FTCDNL1: variants seen among roughly 807,000 people sequenced by gnomAD.
FTCDNL1 encodes formiminotransferase N-terminal subdomain-containing protein.
A neutral mutation model predicts 5.9 loss-of-function variants in FTCDNL1; 11 were observed. That is an observed-to-expected ratio of 1.87 (90% CI 1.18 to 3.10). The LOEUF (loss-of-function observed/expected upper bound fraction) is 3.10. Among genes scored for constraint, FTCDNL1 ranks in the 30% most tolerant of loss-of-function variants. The pLI is 0.00. For missense variants in FTCDNL1, 115 were observed against 65.5 expected, an observed-to-expected ratio of 1.76 and a Z score of -2.61; for synonymous variants, 58 against 24.8, an observed-to-expected ratio of 2.34 and a Z score of -3.99.
At chr2:199,797,053 G>A (rs1316960946) in intron 3 of FTCDNL1, among the ~76,000 whole-genome samples, 1 of 152,094 alleles carries the variant, frequency 6.6e-6, no homozygotes, top group African/African-American at 2.4e-5. Flanking sequence ...TCAAATAGTA[G>A]AAACACCACC....
chr2:199,668,910 A>G, the FTCDNL1 span, among the ~76,000 whole-genome samples: 4 of 152,182 alleles, frequency 2.6e-5, no homozygotes, highest in African/African-American at 4.8e-5. Context: ...AATCCCAGAT[A>G]CAGTGTAGGA....
At chr2:199,845,815 A>G (rs935447581) in intron 3 of FTCDNL1, among the ~76,000 whole-genome samples, 4 of 151,026 alleles carry the variant, frequency 2.6e-5, no homozygotes, top group Non-Finnish European at 4.4e-5. Flanking sequence ...ACCCCAAAGG[A>G]TATGTGATCA....
At chr2:199,728,848 T>C in the FTCDNL1 span, among the ~76,000 whole-genome samples, 19 of 152,286 alleles carry the variant, frequency 1.2e-4, no homozygotes, top group African/African-American at 4.6e-4. Flanking sequence ...TGACAATAAA[T>C]GAACATCAGG....
At chr2:199,832,524 AAGG>A (rs1398492294) in intron 3 of FTCDNL1, among the ~76,000 whole-genome samples, 1 of 152,204 alleles carries the variant, frequency 6.6e-6, no homozygotes, top group African/African-American at 2.4e-5. Context: ...AGAACTGATG[AAGG>A]AGAAGCTGTC....
chr2:199,765,544 A>ATTT, intron 3 of FTCDNL1, among the ~76,000 whole-genome samples: 1 of 59,678 alleles, frequency 1.7e-5, no homozygotes, highest in Non-Finnish European at 3.8e-5. Flanking sequence ...ATATATATAT[A>ATTT]TATATATATA....
the FTCDNL1 span, among the ~76,000 whole-genome samples, chr2:199,743,925 T>C: frequency 6.6e-6 from 1 of 152,124 alleles, no homozygotes; most frequent in Non-Finnish European, 1.5e-5. Context: ...TAAAAATAAA[T>C]GAATAAGGAA....
At chr2:199,673,975 C>T in the FTCDNL1 span, among the ~76,000 whole-genome samples, 1 of 152,048 alleles carries the variant, frequency 6.6e-6, no homozygotes, top group African/African-American at 2.4e-5. Flanking sequence ...ATTTCTCAGC[C>T]CAGCCCAAGT....
the FTCDNL1 span, among the ~76,000 whole-genome samples, chr2:199,706,284 G>C: frequency 1.3e-5 from 2 of 152,160 alleles, no homozygotes; most frequent in African/African-American, 2.4e-5. Context: ...GGAACCCAGA[G>C]ATGCAGGGAT....
the FTCDNL1 span, among the ~76,000 whole-genome samples, chr2:199,704,435 A>G: frequency 6.6e-6 from 1 of 151,902 alleles, no homozygotes; most frequent in Non-Finnish European, 1.5e-5. Context: ...GACTGGGGGG[A>G]AGAGGGAAGA....
chr2:199,839,913 A>G (rs972196873), intron 3 of FTCDNL1, among the ~76,000 whole-genome samples: 11 of 152,152 alleles, frequency 7.2e-5, no homozygotes, highest in Non-Finnish European at 1.5e-4. Context: ...TTTTTTCAGA[A>G]AGCTACTAAA....
At chr2:199,845,287 C>A (rs2076700937) in intron 3 of FTCDNL1, among the ~76,000 whole-genome samples, 1 of 152,042 alleles carries the variant, frequency 6.6e-6, no homozygotes, top group Non-Finnish European at 1.5e-5. Flanking sequence ...TCTGTCCAGG[C>A]CGGGCTCAGT....
At chr2:199,669,703 G>A in the FTCDNL1 span, among the ~76,000 whole-genome samples, 1 of 152,084 alleles carries the variant, frequency 6.6e-6, no homozygotes, top group Non-Finnish European at 1.5e-5. Context: ...TTTTGTTTGT[G>A]AAACCATAAA....
At position 199,846,145 on chromosome 2, in the gene FTCDNL1, C is replaced by G. The variant is rs563210219; in HGVS notation, c.141G>C (p.Val47=). The stretch of plus-strand genomic sequence containing the variant: ...AGTCTTGATCGGAAAATATATTGAG[C>G]ACTGAAACTTGAGGATGTTTCTTTC... ...KNGKKHPQVS[V]LNIFSDQDYK... The change falls in exon 3 of 5, where the codon GTG becomes GTC. Residue 47 remains valine (V), a synonymous_variant. Coordinates refer to ENST00000420128, the MANE Select transcript of FTCDNL1 (RefSeq NM_001363886.2). 1.4e-6 allele frequency: 1 copy of G among 698,296 alleles called. No homozygotes were observed. Among genetic ancestry groups the G allele is most frequent in the East Asian group, 2.7e-5 (1 of 37,140 alleles). 43.3% of individuals were successfully genotyped at this position (698,296 alleles called of 1,614,324 possible). A position where few individuals can be genotyped will look rare whatever the true frequency, so the allele number is the denominator to read the frequency against.
At chr2:199,742,420 T>C in the FTCDNL1 span, among the ~76,000 whole-genome samples, 1 of 152,228 alleles carries the variant, frequency 6.6e-6, no homozygotes, top group East Asian at 1.9e-4. Flanking sequence ...ATGCCTAGAA[T>C]GTTCGGGGAT....
At chr2:199,752,681 C>G in the FTCDNL1 span, among the ~76,000 whole-genome samples, 1 of 151,780 alleles carries the variant, frequency 6.6e-6, no homozygotes, top group African/African-American at 2.4e-5. Context: ...AAATTAATGT[C>G]TCTGTCTCTG....
chr2:199,754,652 C>G, the FTCDNL1 span, among the ~76,000 whole-genome samples: 1 of 152,096 alleles, frequency 6.6e-6, no homozygotes, highest in Non-Finnish European at 1.5e-5. Context: ...CTACCCACTC[C>G]CATCCTAGAG....
the FTCDNL1 span, among the ~76,000 whole-genome samples, chr2:199,723,849 T>A: frequency 0.12 from 18,183 of 152,190 alleles, 1,335 homozygotes; most frequent in Middle Eastern, 0.3. Context: ...AGTTTTCTTT[T>A]TTTTGTTTAT....
At chr2:199,672,707 G>C in the FTCDNL1 span, among the ~76,000 whole-genome samples, 1 of 152,020 alleles carries the variant, frequency 6.6e-6, no homozygotes, top group African/African-American at 2.4e-5. Context: ...CCTTCTCTAA[G>C]TGGTCTCTCT....
At chr2:199,702,645 C>T in the FTCDNL1 span, among the ~76,000 whole-genome samples, 1 of 152,058 alleles carries the variant, frequency 6.6e-6, no homozygotes, top group East Asian at 1.9e-4. Context: ...ATTCTAGGTT[C>T]CAGAGATAGA....
Sources: allele counts gnomAD v4.1 joint callset (sites outside exome capture counted in the v4.1 genomes callset), GRCh38; gene constraint gnomAD v4.1.1; transcripts MANE v1.5; gene names NCBI Gene and HGNC (gene_info 2026-07-23, HGNC 2026-07-21).